The following GRAMD1C variants were observed in gnomAD, a reference collection of about 807,000 sequenced individuals.
GRAMD1C encodes protein Aster-C.
Under a neutral mutation model 97.8 loss-of-function variants are expected in GRAMD1C, and 89 were observed. The observed-to-expected ratio is 0.91, with a 90% CI of 0.77 to 1.09. The LOEUF is 1.09. Ranked by LOEUF, GRAMD1C falls within the 50% of genes least tolerant of loss-of-function variation. The pLI is 0.00. For missense variants in GRAMD1C, 740 were observed against 766.4 expected (o/e 0.97, Z 0.41); for synonymous variants, 256 against 267.0 (o/e 0.96, Z 0.40).
chr3:113,895,381 A>G (rs1047732860), intron 6 of GRAMD1C, among the ~76,000 whole-genome samples: 8 of 152,142 alleles, frequency 5.3e-5, no homozygotes, highest in African/African-American at 1.9e-4. Flanking sequence ...TCCCTGAGCC[A>G]ACTCTAGGAT....
intron 17 of GRAMD1C, among the ~76,000 whole-genome samples, chr3:113,941,318 A>G (rs1018889174): frequency 6.6e-6 from 1 of 152,168 alleles, no homozygotes; most frequent in Admixed American, 6.5e-5. Flanking sequence ...TTTAATCTGG[A>G]AACTCATGCC....
chr3:113,913,890 A>G (rs1194751461), intron 9 of GRAMD1C, among the ~76,000 whole-genome samples: 2 of 152,228 alleles, frequency 1.3e-5, no homozygotes, highest in African/African-American at 4.8e-5. Flanking sequence ...AAACCATCCC[A>G]GGAGACTGGG....
intron 6 of GRAMD1C, among the ~76,000 whole-genome samples, chr3:113,891,488 A>T (rs1235816482): frequency 7.9e-5 from 12 of 151,520 alleles, no homozygotes; most frequent in South Asian, 6.2e-4. Context: ...TAATACTCTT[A>T]AAAAAAGATA....
In GRAMD1C at chr3:113,856,567, T is replaced by TC. The variant is rs1465522960; in HGVS notation, c.174+11920dup. 2.0e-5 allele frequency among the ~76,000 whole-genome samples: 3 copies of TC among 151,988 alleles called. No homozygotes were observed. In the East Asian group the frequency reaches 5.8e-4, roughly 29 times the overall value. Reference sequence around the variant, plus strand: ...TGTATTTATTTATTTAGAGACAGAGTCCTGCTCTGTCGCCCAGGCGGGAGT... The same window carrying TC: ...TGTATTTATTTATTTAGAGACAGAGTCCCTGCTCTGTCGCCCAGGCGGGAGT... On this transcript the variant is annotated intron_variant, in intron 2 of 17. Transcript: ENST00000358160.
chr3:113,854,329 A>T (rs1293335011), intron 2 of GRAMD1C, among the ~76,000 whole-genome samples: 1 of 152,098 alleles, frequency 6.6e-6, no homozygotes, highest in African/African-American at 2.4e-5. Context: ...TTAGGGAGAA[A>T]ATATGGATAG....
chr3:113,884,585 C>A (rs778834271), intron 6 of GRAMD1C, among the ~76,000 whole-genome samples: 3 of 152,184 alleles, frequency 2.0e-5, no homozygotes, highest in Non-Finnish European at 4.4e-5. Flanking sequence ...GTAATCCCAG[C>A]ACTTTGGGAG....
At chr3:113,931,094 C>T (rs967667450) in intron 11 of GRAMD1C, among the ~76,000 whole-genome samples, 1 of 151,964 alleles carries the variant, frequency 6.6e-6, no homozygotes, top group Non-Finnish European at 1.5e-5. Context: ...GGTATTACAG[C>T]TGTGTATTAA....
chr3:113,939,046 A>G (rs1382016067), intron 15 of GRAMD1C: 2 of 152,204 alleles, frequency 1.3e-5, no homozygotes, highest in African/African-American at 4.8e-5. Context: ...TGTTTACTCA[A>G]AAGTTGGAAT....
At chr3:113,837,430 G>T (rs1451252111), upstream of GRAMD1C, among the ~76,000 whole-genome samples, 4 of 152,144 alleles carry the variant, frequency 2.6e-5, no homozygotes, top group Non-Finnish European at 5.9e-5. Flanking sequence ...GGTGGTTGGG[G>T]TACAGCTTGC....
chr3:113,937,144 T>C (rs1937592679), intron 14 of GRAMD1C, among the ~76,000 whole-genome samples: 1 of 152,252 alleles, frequency 6.6e-6, no homozygotes, highest in African/African-American at 2.4e-5. Flanking sequence ...ATTGCAAAGA[T>C]AACATTTGAC....
At chr3:113,847,494 T>C (rs1933663502) in intron 2 of GRAMD1C, among the ~76,000 whole-genome samples, 3 of 152,348 alleles carry the variant, frequency 2.0e-5, no homozygotes, top group African/African-American at 7.2e-5. Context: ...CTCTAAATAG[T>C]ACTGTAGTTG....
At chr3:113,889,835 TC>T (rs1302912949) in intron 6 of GRAMD1C, among the ~76,000 whole-genome samples, 1 of 152,020 alleles carries the variant, frequency 6.6e-6, no homozygotes, top group Non-Finnish European at 1.5e-5. Flanking sequence ...ACAGGGTTTC[TC>T]CATGTTGGTC....
chr3:113,904,618 TTTTTTC>T (rs1936293378), intron 8 of GRAMD1C, among the ~76,000 whole-genome samples: 1 of 152,010 alleles, frequency 6.6e-6, no homozygotes, highest in Admixed American at 6.6e-5. Context: ...CTGTTTTTTT[TTTTTTC>T]TTTCTTTCTT....
intron 8 of GRAMD1C, among the ~76,000 whole-genome samples, chr3:113,907,010 T>C (rs1189355106): frequency 6.6e-6 from 1 of 152,154 alleles, no homozygotes; most frequent in Admixed American, 6.5e-5. Flanking sequence ...AGCTATACCA[T>C]CTAAATTTGT....
chr3:113,935,700 T>A (rs1193556563), intron 13 of GRAMD1C, among the ~76,000 whole-genome samples: 3 of 152,044 alleles, frequency 2.0e-5, no homozygotes, highest in African/African-American at 7.2e-5. Flanking sequence ...ATTGAATTCT[T>A]CATCAGGAGC....
chr3:113,933,059 A>G (rs999182008), intron 11 of GRAMD1C, among the ~76,000 whole-genome samples: 7 of 151,234 alleles, frequency 4.6e-5, no homozygotes. Flanking sequence ...TAATTTTTGT[A>G]TTTTTAAGAG....
At chr3:113,868,476 G>T (rs1934669098) in intron 2 of GRAMD1C, among the ~76,000 whole-genome samples, 1 of 152,096 alleles carries the variant, frequency 6.6e-6, no homozygotes, top group Non-Finnish European at 1.5e-5. Flanking sequence ...TTGTTTGCTT[G>T]TTTAATAATT....
chr3:113,910,524 ATTTTGTATTGTAATCCATTTTG>A (rs1157035771), intron 9 of GRAMD1C, among the ~76,000 whole-genome samples: 2 of 152,232 alleles, frequency 1.3e-5, no homozygotes, highest in East Asian at 1.9e-4. Flanking sequence ...TGTTTTTCAC[ATTTTGTATTGTAATCCATTTTG>A]TTTTGTATTG....
At chr3:113,846,606 A>T (rs970325283) in intron 2 of GRAMD1C, among the ~76,000 whole-genome samples, 2 of 152,166 alleles carry the variant, frequency 1.3e-5, no homozygotes, top group African/African-American at 4.8e-5. Context: ...TGTGTTCTAG[A>T]TCCTTGCTAC....
Sources: allele counts gnomAD v4.1 joint callset (sites outside exome capture counted in the v4.1 genomes callset), GRCh38; gene constraint gnomAD v4.1.1; transcripts MANE v1.5; gene names NCBI Gene and HGNC (gene_info 2026-07-23, HGNC 2026-07-21).